CYP4Z1: variants seen among roughly 807,000 people sequenced by gnomAD.
The protein encoded by CYP4Z1 is cytochrome P450 family 4 subfamily Z member 1.
In CYP4Z1, 41 loss-of-function variants were observed where a neutral mutation model predicts 54.2. The ratio of observed to expected loss-of-function variants is 0.76; its 90% confidence interval spans 0.59 to 0.98. The LOEUF (loss-of-function observed/expected upper bound fraction) is 0.98, where lower values mean the gene tolerates loss of function less well. Among genes scored for constraint, CYP4Z1 ranks in the 50% least tolerant of loss-of-function variants. The pLI is 0.00. For synonymous variants in CYP4Z1, 163 were observed against 206.2 expected, an observed-to-expected ratio of 0.79 and a Z score of 1.79; for missense variants, 513 against 599.0, an observed-to-expected ratio of 0.86 and a Z score of 1.50.
At chr1:47,101,620 A>G (rs143669939) in intron 8 of CYP4Z1, among the ~76,000 whole-genome samples, 2 of 152,242 alleles carry the variant, frequency 1.3e-5, no homozygotes, top group East Asian at 3.9e-4. Context: ...GACAATTCAT[A>G]TGATTTTAAT....
At chr1:47,066,886 A>G (rs1348536821), upstream of CYP4Z1, among the ~76,000 whole-genome samples, 1 of 151,726 alleles carries the variant, frequency 6.6e-6, no homozygotes, top group Non-Finnish European at 1.5e-5. Context: ...CTTTCAAAAT[A>G]GAAAAAAAAA....
chr1:47,082,645 C>T (rs1644563481), intron 4 of CYP4Z1, among the ~76,000 whole-genome samples, 184 bp downstream of exon 4: 1 of 151,824 alleles, frequency 6.6e-6, no homozygotes, highest in Non-Finnish European at 1.5e-5. Flanking sequence ...CAACACTTCT[C>T]ACAGGGATGG....
At chr1:47,064,938 A>C (rs987893144), upstream of CYP4Z1, among the ~76,000 whole-genome samples, 2 of 152,242 alleles carry the variant, frequency 1.3e-5, no homozygotes, top group African/African-American at 4.8e-5. Flanking sequence ...CAGCAGTTTA[A>C]AAAGACAAAA....
intron 8 of CYP4Z1, among the ~76,000 whole-genome samples, chr1:47,105,558 G>A (rs1644750629): frequency 6.6e-6 from 1 of 152,114 alleles, no homozygotes; most frequent in Non-Finnish European, 1.5e-5. Flanking sequence ...GTTGATCCCC[G>A]CCAAACAGGC....
chr1:47,077,880 A>G (rs1644537252), intron 2 of CYP4Z1, among the ~76,000 whole-genome samples: 1 of 152,090 alleles, frequency 6.6e-6, no homozygotes, highest in Admixed American at 6.5e-5. Flanking sequence ...CAGTCTCCCA[A>G]AATGCTGAGA....
intron 8 of CYP4Z1, among the ~76,000 whole-genome samples, chr1:47,104,491 C>A (rs4926791): frequency 0.43 from 65,079 of 151,670 alleles, 15,266 homozygotes; most frequent in East Asian, 0.96. Context: ...TGAGCTCTTG[C>A]GCACCTAGGC....
At position 47,068,616 on chromosome 1, in the gene CYP4Z1, T is replaced by G. The variant is rs1644468244; in HGVS notation, c.178-6T>G. On this transcript the variant is annotated splice_polypyrimidine_tract_variant and splice_region_variant and intron_variant, in intron 1 of 11. Coordinates refer to ENST00000334194, the MANE Select transcript of CYP4Z1 (RefSeq NM_178134.3). ...TACTAACCAGTCATGACTTATCTTA[T>G]GACAGTTTTACCCAGTAAAGGAGTT... The G allele has an allele frequency of 1.2e-6, 2 of 1,613,820 alleles. No individual in the cohort carries two copies. Among genetic ancestry groups the G allele is most frequent in the East Asian group, 2.2e-5 (1 of 44,878 alleles).
chr1:47,094,484 C>T (rs1644662181), intron 6 of CYP4Z1, 82 bp from the exon 7 acceptor site: 1 of 978,196 alleles, frequency 1.0e-6, no homozygotes, highest in Non-Finnish European at 1.5e-6. Flanking sequence ...CGATAAAGCA[C>T]CAGCTTCTCA....
At chr1:47,088,312 A>T (rs1644612827) in intron 6 of CYP4Z1, among the ~76,000 whole-genome samples, 1 of 151,980 alleles carries the variant, frequency 6.6e-6, no homozygotes, top group South Asian at 2.1e-4. Flanking sequence ...TTGGCTGTGA[A>T]TCCATCTGGT....
intron 10 of CYP4Z1, 124 bp downstream of exon 10, chr1:47,115,717 C>A: frequency 2.2e-6 from 2 of 906,746 alleles, no homozygotes; most frequent in Admixed American, 2.5e-5. Flanking sequence ...CAAAACAGAA[C>A]AAAAACCCTA....
intron 9 of CYP4Z1, among the ~76,000 whole-genome samples, chr1:47,109,464 TAGTC>T (rs1447934934): frequency 2.0e-5 from 3 of 152,156 alleles, no homozygotes; most frequent in Non-Finnish European, 4.4e-5. Context: ...CTAAAAGAAA[TAGTC>T]AATCCTAAAA....
At position 47,084,802 on chromosome 1, in the gene CYP4Z1, T is replaced by A. The variant is rs568397319; in HGVS notation, c.618-22T>A. The A allele has an allele frequency of 1.5e-5, 24 of 1,596,966 alleles. No individual in the cohort carries two copies. The Admixed American group carries it at 3.8e-4, about 25-fold the overall frequency. On this transcript the variant is annotated intron_variant, in intron 5 of 11. Coordinates refer to ENST00000334194, the MANE Select transcript of CYP4Z1 (RefSeq NM_178134.3). ...ATAACTGTGTCACCCACTAACATGT[T>A]GTTCCATCTTCCCTATTCCAGTACC...
intron 2 of CYP4Z1, among the ~76,000 whole-genome samples, chr1:47,072,931 T>G (rs1247161033): frequency 6.6e-6 from 1 of 152,122 alleles, no homozygotes; most frequent in African/African-American, 2.4e-5. Context: ...TTTATGTGTG[T>G]GTGGCAAAAT....
the CYP4Z1 span, among the ~76,000 whole-genome samples, chr1:47,059,752 A>C: frequency 6.6e-6 from 1 of 152,210 alleles, no homozygotes; most frequent in African/African-American, 2.4e-5. Context: ...GTAGCAAAGA[A>C]GGCTGGGCTG....
At chr1:47,057,947 C>T in the CYP4Z1 span, among the ~76,000 whole-genome samples, 1 of 151,740 alleles carries the variant, frequency 6.6e-6, no homozygotes, top group East Asian at 1.9e-4. Flanking sequence ...AGTGTTAATT[C>T]TTATCTTAGG....
intron 1 of CYP4Z1, 109 bp downstream of exon 1, chr1:47,067,776 C>A: frequency 2.0e-6 from 2 of 999,190 alleles, no homozygotes; most frequent in South Asian, 2.9e-5. Flanking sequence ...TGCTTTCACA[C>A]CAATCTCATT....
chr1:47,068,390 A>G (rs571062333), intron 1 of CYP4Z1, among the ~76,000 whole-genome samples: 1 of 152,168 alleles, frequency 6.6e-6, no homozygotes, highest in Non-Finnish European at 1.5e-5. Flanking sequence ...TTGACGCTGG[A>G]GTGAGAAGAC....
intron 6 of CYP4Z1, among the ~76,000 whole-genome samples, chr1:47,085,327 A>G (rs1299172859): frequency 1.3e-5 from 2 of 152,092 alleles, no homozygotes; most frequent in East Asian, 1.9e-4. Context: ...CTGAGCAAGT[A>G]CTGAACATGA....
chr1:47,094,427 TC>T, intron 6 of CYP4Z1, 138 bp from the exon 7 acceptor site: 1 of 589,218 alleles, frequency 1.7e-6, no homozygotes, highest in South Asian at 2.3e-5. Flanking sequence ...AGTGGTACTG[TC>T]CCTTACCAAC....
Sources: gnomAD v4.1 joint callset for allele counts (sites outside exome capture counted in the v4.1 genomes callset) on GRCh38, gnomAD v4.1.1 for gene constraint, MANE v1.5 for transcripts, NCBI Gene and HGNC (gene_info 2026-07-23, HGNC 2026-07-21) for gene names.